DIP2B: variants seen among roughly 807,000 people sequenced by gnomAD.
The protein encoded by DIP2B is disco-interacting protein 2 homolog B.
DIP2B carries 76 observed loss-of-function variants against 198.0 expected under a neutral mutation model. That is an observed-to-expected ratio of 0.38 (90% confidence interval 0.32 to 0.46). DIP2B has a LOEUF of 0.46. Ranked by LOEUF, DIP2B falls within the 20% of genes least tolerant of loss-of-function variation. The probability of loss-of-function intolerance (pLI) is 0.99; values close to 1 mark genes in which losing one functional copy is unlikely to be tolerated. For synonymous variants in DIP2B, 701 were observed against 739.1 expected, an observed-to-expected ratio of 0.95 and a Z score of 0.84; for missense variants, 1,559 against 1,978.4, an observed-to-expected ratio of 0.79 and a Z score of 4.02.
At chr12:50,712,696 C>T (rs954098146) in intron 22 of DIP2B, among the ~76,000 whole-genome samples, 13 of 152,146 alleles carry the variant, frequency 8.5e-5, no homozygotes, top group Admixed American at 2.6e-4. Context: ...ATCACGAGGT[C>T]AGGAGTTCGA....
chr12:50,677,805 A>C (rs1938973419), intron 7 of DIP2B, among the ~76,000 whole-genome samples: 1 of 152,072 alleles, frequency 6.6e-6, no homozygotes, highest in African/African-American at 2.4e-5. Context: ...AGTCCAGTTC[A>C]GCTGACATTG....
At chr12:50,557,298 A>C (rs1207630538) in intron 1 of DIP2B, among the ~76,000 whole-genome samples, 1 of 152,204 alleles carries the variant, frequency 6.6e-6, no homozygotes, top group Non-Finnish European at 1.5e-5. Flanking sequence ...TGTGCCCCAC[A>C]CACCTTGCCT....
chr12:50,744,459 A>G, intron 37 of DIP2B, 128 bp from the exon 38 acceptor site: 2 of 1,288,682 alleles, frequency 1.6e-6, no homozygotes, highest in Non-Finnish European at 2.2e-6. Context: ...TATGGTAGAC[A>G]TGACTGCTGA....
chr12:50,697,406 A>G (rs976126598), intron 17 of DIP2B, among the ~76,000 whole-genome samples: 1 of 152,114 alleles, frequency 6.6e-6, no homozygotes, highest in Non-Finnish European at 1.5e-5. Flanking sequence ...TTCGGAATCC[A>G]TAGCACCTTA....
At chr12:50,573,255 A>G (rs1353413430) in intron 1 of DIP2B, among the ~76,000 whole-genome samples, 2 of 152,264 alleles carry the variant, frequency 1.3e-5, no homozygotes, top group African/African-American at 4.8e-5. Context: ...CATTAAACAA[A>G]TAACTGCTTG....
At position 50,505,066 on chromosome 12, in the gene DIP2B, G is replaced by T; in HGVS notation, c.-75G>T. Reference sequence around the variant, plus strand: ...CGGCCGGAGCCGGATCCTGTAGCCGGGTGTGGGCCCGTGTCTGTCCGTCCC... The same window carrying T: ...CGGCCGGAGCCGGATCCTGTAGCCGTGTGTGGGCCCGTGTCTGTCCGTCCC... On this transcript the variant is annotated 5_prime_UTR_variant, in exon 1 of 38. Coordinates refer to ENST00000301180, the MANE Select transcript of DIP2B (RefSeq NM_173602.3). 7.1e-7 allele frequency: 1 copy of T among 1,405,936 alleles called. No individual in the cohort carries two copies. Among genetic ancestry groups the T allele is most frequent in the Non-Finnish European group, 9.6e-7 (1 of 1,037,372 alleles). The allele number at this position is 1,405,936 out of a possible 1,614,324, so 87.1% of individuals were successfully genotyped here.
intron 1 of DIP2B, among the ~76,000 whole-genome samples, chr12:50,519,931 G>A (rs923793784): frequency 6.0e-5 from 9 of 149,196 alleles, no homozygotes; most frequent in African/African-American, 2.0e-4. Flanking sequence ...AAGAATTTAA[G>A]ATCATATTGT....
At chr12:50,611,098 G>T (rs534235675) in intron 1 of DIP2B, among the ~76,000 whole-genome samples, 9 of 152,200 alleles carry the variant, frequency 5.9e-5, no homozygotes, top group South Asian at 4.1e-4. Context: ...GCGCTTGGCC[G>T]ATGTAAATAT....
intron 1 of DIP2B, among the ~76,000 whole-genome samples, chr12:50,531,168 C>G (rs940743880): frequency 6.6e-6 from 1 of 152,218 alleles, no homozygotes; most frequent in Admixed American, 6.5e-5. Flanking sequence ...GCCTCAGCCT[C>G]CCGAGTAGCT....
chr12:50,728,713 G>A (rs780245018), intron 30 of DIP2B, 35 bp downstream of exon 30: 1 of 1,603,536 alleles, frequency 6.2e-7, no homozygotes, highest in South Asian at 1.1e-5. Flanking sequence ...CAGAATGTGT[G>A]GGGGTATACT....
Position 50,746,084 on chromosome 12 carries a change from T to C in DIP2B, c.*1245T>C, listed in dbSNP as rs999824650. 4 of 152,212 alleles carry C rather than the reference T, an allele frequency of 2.6e-5. No individual in the cohort carries two copies. Among genetic ancestry groups the C allele is most frequent in the African/African-American group, 9.6e-5 (4 of 41,454 alleles). The allele number at this position is 152,212 out of a possible 1,614,324, so 9.4% of individuals were successfully genotyped here. A position where few individuals can be genotyped will look rare whatever the true frequency, so the allele number is the denominator to read the frequency against. The stretch of plus-strand genomic sequence containing the variant: ...ATGCTGAAACCGGGGAAGTCTGACA[T>C]ATGCAGGAAACTCTTTTGAAATAAC... On this transcript the variant is annotated 3_prime_UTR_variant, in exon 38 of 38. Transcript: ENST00000301180.
At chr12:50,558,401 T>G (rs1958489426) in intron 1 of DIP2B, among the ~76,000 whole-genome samples, 1 of 152,206 alleles carries the variant, frequency 6.6e-6, no homozygotes, top group Admixed American at 6.5e-5. Context: ...CTGCCAGGGG[T>G]AATAATTGAG....
At chr12:50,560,494 G>C (rs1039851304) in intron 1 of DIP2B, among the ~76,000 whole-genome samples, 57 of 152,200 alleles carry the variant, frequency 3.7e-4, no homozygotes, top group Admixed American at 1.3e-3. Context: ...CTTGAACCTG[G>C]GAGGCGGAGG....
intron 3 of DIP2B, among the ~76,000 whole-genome samples, chr12:50,658,207 G>T (rs1403202105): frequency 6.6e-6 from 1 of 151,958 alleles, no homozygotes; most frequent in African/African-American, 2.4e-5. Context: ...TGTGATCTCG[G>T]CTCACTGCAA....
intron 1 of DIP2B, among the ~76,000 whole-genome samples, chr12:50,527,342 C>T (rs1958175948): frequency 6.6e-6 from 1 of 152,196 alleles, no homozygotes; most frequent in Non-Finnish European, 1.5e-5. Flanking sequence ...CCCACGTTAT[C>T]TCAGGTCTCT....
intron 2 of DIP2B, among the ~76,000 whole-genome samples, chr12:50,628,646 T>G: frequency 6.6e-6 from 1 of 152,144 alleles, no homozygotes; most frequent in East Asian, 1.9e-4. Flanking sequence ...TACTGTCTAT[T>G]TAAAAAAGAA....
chr12:50,666,598 C>T (rs1938757707), intron 4 of DIP2B, among the ~76,000 whole-genome samples: 1 of 152,114 alleles, frequency 6.6e-6, no homozygotes, highest in African/African-American at 2.4e-5. Context: ...ATCAGCAAGC[C>T]AGGGACCTTA....
chr12:50,553,908 C>T (rs536599485), intron 1 of DIP2B, among the ~76,000 whole-genome samples: 152 of 152,270 alleles, frequency 1.0e-3, no homozygotes, highest in African/African-American at 3.5e-3. Context: ...TCCACTTTGA[C>T]CTCCCAAAGT....
intron 1 of DIP2B, among the ~76,000 whole-genome samples, chr12:50,542,120 T>C (rs1343214616): frequency 1.3e-5 from 2 of 150,828 alleles, no homozygotes; most frequent in South Asian, 2.1e-4. Context: ...TGAAACCCCA[T>C]CTCTACTAAA....
Sources: gnomAD v4.1 joint callset for allele counts (sites outside exome capture counted in the v4.1 genomes callset) on GRCh38, gnomAD v4.1.1 for gene constraint, MANE v1.5 for transcripts, NCBI Gene and HGNC (gene_info 2026-07-23, HGNC 2026-07-21) for gene names.